Variants in DZANK1 observed in about 807,000 individuals in gnomAD.
DZANK1 encodes the protein double zinc ribbon and ankyrin repeat-containing protein 1.
Under a neutral mutation model 94.5 loss-of-function variants are expected in DZANK1, and 91 were observed. That is an observed-to-expected ratio of 0.96 (90% CI 0.81 to 1.15). DZANK1 has a LOEUF of 1.15. Ranked by LOEUF, DZANK1 falls within the 50% of genes most tolerant of loss-of-function variation. DZANK1 has a pLI of 0.00. For synonymous variants in DZANK1, 312 were observed against 325.3 expected (o/e 0.96, Z 0.44); for missense variants, 903 against 916.4 (o/e 0.99, Z 0.19).
At chr20:18,431,766 G>C (rs1363634047) in intron 9 of DZANK1, among the ~76,000 whole-genome samples, 1 of 152,152 alleles carries the variant, frequency 6.6e-6, no homozygotes, top group Non-Finnish European at 1.5e-5. Context: ...TACAAAGTCT[G>C]GTAGAGAAGG....
chr20:18,438,194 G>T (rs1472820912), intron 8 of DZANK1, among the ~76,000 whole-genome samples: 1 of 137,840 alleles, frequency 7.3e-6, no homozygotes, highest in Non-Finnish European at 1.5e-5. Flanking sequence ...ACTCCAGCCT[G>T]GGTGACAGAG....
chr20:18,421,044 C>T (rs558171023), intron 10 of DZANK1: 237 of 172,120 alleles, frequency 1.4e-3, no homozygotes, highest in Non-Finnish European at 2.5e-3. Context: ...GCCTGTCAAG[C>T]GTTTCAGTTT....
intron 13 of DZANK1, among the ~76,000 whole-genome samples, chr20:18,408,890 G>A (rs1027264745): frequency 6.6e-6 from 1 of 152,178 alleles, no homozygotes; most frequent in African/African-American, 2.4e-5. Flanking sequence ...GCATTGTGGT[G>A]TGTGAACTTC....
At chr20:18,455,180 T>C in intron 4 of DZANK1, 67 bp downstream of exon 4, 2 of 1,201,540 alleles carry the variant, frequency 1.7e-6, no homozygotes, top group South Asian at 2.7e-5. Context: ...AGGCAAGATC[T>C]GCTCACTGAG....
intron 10 of DZANK1, among the ~76,000 whole-genome samples, chr20:18,423,041 A>G (rs1173736668): frequency 6.6e-6 from 1 of 152,130 alleles, no homozygotes; most frequent in Non-Finnish European, 1.5e-5. Flanking sequence ...TATTTTGGTC[A>G]ATGATGAACT....
intron 6 of DZANK1, chr20:18,451,965 G>C (rs780725092): frequency 1.9e-6 from 1 of 516,692 alleles, no homozygotes; most frequent in Non-Finnish European, 3.9e-6. Flanking sequence ...TGTCTTGCCT[G>C]CCAAACAGAT....
At chr20:18,411,188 A>T (rs1397997206) in intron 13 of DZANK1, among the ~76,000 whole-genome samples, 1 of 152,196 alleles carries the variant, frequency 6.6e-6, no homozygotes, top group African/African-American at 2.4e-5. Context: ...TAAAAATAAT[A>T]GAAAATCAAT....
exon 19 of DZANK1, chr20:18,389,718 G>C: frequency 6.2e-7 from 1 of 1,613,870 alleles, no homozygotes; most frequent in Non-Finnish European, 8.5e-7. Flanking sequence ...ACTGCTGGTC[G>C]ATGTCTGCTC....
intron 10 of DZANK1, among the ~76,000 whole-genome samples, chr20:18,426,782 T>C (rs2058063936): frequency 6.6e-6 from 1 of 152,164 alleles, no homozygotes; most frequent in South Asian, 2.1e-4. Flanking sequence ...GAAATGTGAA[T>C]GAGTTCACTT....
Position 18,445,053 on chromosome 20 carries a change from C to T in DZANK1, c.630-1589G>A, listed in dbSNP as rs141081581. 6.2e-3 allele frequency among the ~76,000 whole-genome samples: 947 copies of T among 152,052 alleles called. 8 individuals carry two copies. Among genetic ancestry groups the T allele is most frequent in the African/African-American group, 0.022 (895 of 41,464 alleles). ...CGATCTCCTGACCTCGTGATCCGCC[C>T]ACCTCGGCCTCCCAAAGTGCTGGGA... On this transcript the variant is annotated intron_variant, in intron 7 of 20. Coordinates refer to ENST00000262547, the Ensembl canonical transcript of DZANK1.
At chr20:18,390,192 A>T (rs1023555532) in intron 18 of DZANK1, among the ~76,000 whole-genome samples, 187 bp downstream of exon 18, 2 of 152,220 alleles carry the variant, frequency 1.3e-5, no homozygotes, top group African/African-American at 4.8e-5. Context: ...ATTTTCTCTG[A>T]TATAAAAACT....
intron 15 of DZANK1, among the ~76,000 whole-genome samples, chr20:18,396,156 T>C (rs2056328767): frequency 6.6e-6 from 1 of 152,112 alleles, no homozygotes; most frequent in Admixed American, 6.5e-5. Flanking sequence ...TAGAAGAAAA[T>C]ATGTCAAAGG....
At chr20:18,389,659 C>CCTG (rs1568867744) in intron 19 of DZANK1, 42 bp downstream of exon 19, 1 of 1,609,022 alleles carries the variant, frequency 6.2e-7, no homozygotes, top group South Asian at 1.1e-5. Context: ...AAGCAGTCAG[C>CCTG]CTGCTGCTAC....
At chr20:18,404,662 G>C (rs2056864309) in intron 13 of DZANK1, among the ~76,000 whole-genome samples, 1 of 152,164 alleles carries the variant, frequency 6.6e-6, no homozygotes, top group Non-Finnish European at 1.5e-5. Context: ...AACAGAAACT[G>C]CCTGTGATAG....
At chr20:18,436,446 A>AAG in intron 8 of DZANK1, among the ~76,000 whole-genome samples, 1 of 150,950 alleles carries the variant, frequency 6.6e-6, no homozygotes, top group South Asian at 2.1e-4. Context: ...TCCATCTCAA[A>AAG]AAAAAAAAAA....
chr20:18,427,606 G>GGGGTGTGT lies in DZANK1; in HGVS notation c.862-448_862-447insACACACCC, dbSNP rs112783791. On this transcript the variant is annotated intron_variant, in intron 9 of 20. Coordinates refer to ENST00000262547, the Ensembl canonical transcript of DZANK1. ...TCTGCACTGGTTATGTGTAAGGTTG[G>GGGGTGTGT]GTGTGTGTGTGTGTGTGTGTGTGTG... 1.1e-3 allele frequency among the ~76,000 whole-genome samples: 161 copies of GGGGTGTGT among 148,786 alleles called. 1 individual carries two copies. The highest frequency in any genetic ancestry group is 3.9e-3 in the African/African-American group (159 of 40,640).
intron 13 of DZANK1, among the ~76,000 whole-genome samples, chr20:18,412,402 A>G (rs2148431972): frequency 6.6e-6 from 1 of 152,372 alleles, no homozygotes; most frequent in South Asian, 2.1e-4. Context: ...CACATGCGCC[A>G]TGTGACTGAG....
chr20:18,454,631 A>G (rs2059219532), intron 4 of DZANK1: 3 of 154,870 alleles, frequency 1.9e-5, no homozygotes. Context: ...ATATTTGGGA[A>G]TAAAGATTTC....
At chr20:18,415,423 A>G in exon 11 of DZANK1, 1 of 1,581,496 alleles carries the variant, frequency 6.3e-7, no homozygotes. Context: ...TGGGCGGAGG[A>G]GGGGCTTTAT....
Sources: gnomAD v4.1 joint callset for allele counts (sites outside exome capture counted in the v4.1 genomes callset) on GRCh38, gnomAD v4.1.1 for gene constraint, MANE v1.5 for transcripts, NCBI Gene and HGNC (gene_info 2026-07-23, HGNC 2026-07-21) for gene names.